The following KALRN variants were observed in gnomAD, a reference collection of about 807,000 sequenced individuals.
KALRN encodes kalirin.
A neutral mutation model predicts 353.7 loss-of-function variants in KALRN; 70 were observed. The ratio of observed to expected loss-of-function variants is 0.20; its 90% CI spans 0.16 to 0.24. The LOEUF (loss-of-function observed/expected upper bound fraction) is 0.24, where lower values mean the gene tolerates loss of function less well. Ranked by LOEUF, KALRN falls within the 10% of genes least tolerant of loss-of-function variation. The pLI is 1.00. For synonymous variants in KALRN, 1,391 were observed against 1,434.8 expected, an observed-to-expected ratio of 0.97 and a Z score of 0.69; for missense variants, 2,791 against 3,756.7, an observed-to-expected ratio of 0.74 and a Z score of 6.72.
chr3:124,594,298 T>C (rs1438115794), intron 34 of KALRN, among the ~76,000 whole-genome samples: 1 of 152,248 alleles, frequency 6.6e-6, no homozygotes, highest in African/African-American at 2.4e-5. Flanking sequence ...CAATCTTGAC[T>C]CACTGCAACC....
intron 1 of KALRN, among the ~76,000 whole-genome samples, chr3:124,210,642 A>G (rs1047391866): frequency 3.3e-5 from 5 of 152,204 alleles, no homozygotes; most frequent in Non-Finnish European, 7.3e-5. Flanking sequence ...AGAAAAAAAC[A>G]CAAAGGGAAC....
intron 45 of KALRN, among the ~76,000 whole-genome samples, chr3:124,664,598 A>G (rs1045630916): frequency 2.6e-5 from 4 of 152,024 alleles, no homozygotes; most frequent in Admixed American, 6.5e-5. Context: ...TTTAATATAG[A>G]TGGGGTTTTA....
intron 37 of KALRN, among the ~76,000 whole-genome samples, chr3:124,637,774 A>G (rs1289741861): frequency 6.6e-6 from 1 of 152,222 alleles, no homozygotes; most frequent in African/African-American, 2.4e-5. Context: ...GGGAATGGGC[A>G]AAAGTGTGTG....
chr3:124,528,105 T>C (rs1369321349), intron 33 of KALRN, among the ~76,000 whole-genome samples: 1 of 152,174 alleles, frequency 6.6e-6, no homozygotes, highest in Non-Finnish European at 1.5e-5. Flanking sequence ...TCCTCCTGAT[T>C]CCCAGCAGAC....
At chr3:124,094,857 A>G (rs1577991471) in intron 1 of KALRN, 1 of 1,614,106 alleles carries the variant, frequency 6.2e-7, no homozygotes, top group African/African-American at 1.3e-5. Flanking sequence ...CGCTTCTGGG[A>G]CCAGTGGTAT....
At chr3:124,510,504 C>G (rs1412543262) in intron 33 of KALRN, among the ~76,000 whole-genome samples, 1 of 149,536 alleles carries the variant, frequency 6.7e-6, no homozygotes, top group Non-Finnish European at 1.5e-5. Flanking sequence ...TTGAGTAGCA[C>G]ACAAAAAATG....
intron 1 of KALRN, among the ~76,000 whole-genome samples, chr3:124,217,508 TG>T (rs895057842): frequency 1.2e-4 from 19 of 152,298 alleles, no homozygotes; most frequent in African/African-American, 4.6e-4. Context: ...CTTTGCTTCT[TG>T]GTTACCACAA....
intron 11 of KALRN, among the ~76,000 whole-genome samples, chr3:124,387,540 T>C (rs1453740794): frequency 6.6e-6 from 1 of 152,208 alleles, no homozygotes; most frequent in Non-Finnish European, 1.5e-5. Context: ...CCCCAGGTCT[T>C]TCTGACTCTA....
intron 1 of KALRN, among the ~76,000 whole-genome samples, chr3:124,209,249 A>T (rs2076691075): frequency 6.6e-6 from 1 of 151,968 alleles, no homozygotes; most frequent in Non-Finnish European, 1.5e-5. Flanking sequence ...TCACACCTGT[A>T]ATCCCAGCAC....
chr3:124,120,451 G>A (rs574104322), intron 1 of KALRN, among the ~76,000 whole-genome samples: 1 of 152,272 alleles, frequency 6.6e-6, no homozygotes, highest in Non-Finnish European at 1.5e-5. Flanking sequence ...TAGCGAGCAT[G>A]TTGAGGGGAC....
chr3:124,445,015 A>G (rs6777311), intron 19 of KALRN, among the ~76,000 whole-genome samples: 3,206 of 152,238 alleles, frequency 0.021, 103 homozygotes, highest in African/African-American at 0.073. Flanking sequence ...AAGCATAGAA[A>G]GTTGTACTTT....
At chr3:124,514,228 T>A (rs638478) in intron 33 of KALRN, among the ~76,000 whole-genome samples, 68,680 of 151,894 alleles carry the variant, frequency 0.45, 16,840 homozygotes, top group East Asian at 0.62. Flanking sequence ...AATATAGTAT[T>A]CACAGAGTTC....
chr3:124,666,057 T>C (rs1204980664), intron 45 of KALRN, among the ~76,000 whole-genome samples: 1 of 152,186 alleles, frequency 6.6e-6, no homozygotes, highest in Non-Finnish European at 1.5e-5. Flanking sequence ...GGCACCGTTC[T>C]CAGAGCTCTG....
chr3:124,471,721 T>G (rs1561052070), intron 25 of KALRN, among the ~76,000 whole-genome samples: 1 of 151,906 alleles, frequency 6.6e-6, no homozygotes, highest in Non-Finnish European at 1.5e-5. Flanking sequence ...TCCAGCACTT[T>G]GGGAGGCCGA....
intron 51 of KALRN, 64 bp from the exon 52 acceptor site, chr3:124,693,740 A>C: frequency 9.2e-7 from 1 of 1,085,774 alleles, no homozygotes. Context: ...AATACGGTGA[A>C]GTCCCTTGTT....
chr3:124,357,928 C>T (rs1047120475), intron 10 of KALRN, among the ~76,000 whole-genome samples: 2 of 152,138 alleles, frequency 1.3e-5, no homozygotes, highest in Admixed American at 1.3e-4. Context: ...GATATCAGGC[C>T]AGATGATCTC....
rs144439447 is a variant in KALRN, at chr3:124,344,119, A to G, written c.1648-3024A>G. The stretch of plus-strand genomic sequence containing the variant: ...TTTTAAATATGCCTTGTAGATGAAG[A>G]GAAATTATTCAGGAATAAGATTATA... On this transcript the variant is annotated intron_variant, in intron 9 of 59. Coordinates refer to ENST00000682506, the MANE Select transcript of KALRN (RefSeq NM_001388419.1). Among the ~76,000 whole-genome samples the G allele has an allele frequency of 9.3e-4, 142 of 152,378 alleles. 2 individuals carry two copies. Among genetic ancestry groups the G allele is most frequent in the Middle Eastern group, 3.4e-3 (1 of 294 alleles).
chr3:124,377,848 T>C (rs2086798857), intron 10 of KALRN, among the ~76,000 whole-genome samples: 2 of 152,132 alleles, frequency 1.3e-5, no homozygotes, highest in Admixed American at 6.5e-5. Context: ...CTACGTCTGA[T>C]ATTAATATAG....
rs566315564 is a variant in KALRN at position 124,482,790 on chromosome 3, T to C, written c.4192-18T>C. 6.4e-6 allele frequency: 10 copies of C among 1,565,940 alleles called. No homozygotes were observed. The East Asian group carries it at 9.0e-5, about 14-fold the overall frequency. On this transcript the variant is annotated intron_variant, in intron 27 of 59. Transcript: ENST00000682506. The stretch of plus-strand genomic sequence containing the variant: ...ACACCCCTCTGTGTCTAATTGCACA[T>C]TGTTCTCATCCCTGCAGGAGATACA...
Sources: gnomAD v4.1 joint callset for allele counts (sites outside exome capture counted in the v4.1 genomes callset) on GRCh38, gnomAD v4.1.1 for gene constraint, MANE v1.5 for transcripts, NCBI Gene and HGNC (gene_info 2026-07-23, HGNC 2026-07-21) for gene names.